The following ANKRD45 variants were observed in gnomAD, a reference collection of about 807,000 sequenced individuals.
The protein encoded by ANKRD45 is ankyrin repeat domain-containing protein 45.
A neutral mutation model predicts 28.1 loss-of-function variants in ANKRD45; 21 were observed. That is an observed-to-expected ratio of 0.75 (90% CI 0.53 to 1.08). The LOEUF (loss-of-function observed/expected upper bound fraction) is 1.08. ANKRD45 is among the 50% of genes least tolerant of loss of function. The pLI is 0.00. For synonymous variants in ANKRD45, 86 were observed against 103.9 expected (o/e 0.83, Z 1.05); for missense variants, 261 against 308.7 (o/e 0.85, Z 1.16).
the ANKRD45 span, among the ~76,000 whole-genome samples, chr1:173,685,436 C>T: frequency 6.6e-6 from 1 of 152,186 alleles, no homozygotes; most frequent in Non-Finnish European, 1.5e-5. Flanking sequence ...AAAAGAGCTA[C>T]CATAAAGCCC....
chr1:173,636,448 G>C (rs976153079), intron 3 of ANKRD45, among the ~76,000 whole-genome samples: 3 of 152,090 alleles, frequency 2.0e-5, no homozygotes. Flanking sequence ...AGAAGAATTA[G>C]ATATTTATAA....
chr1:173,674,224 G>C (rs764103811), upstream of ANKRD45, among the ~76,000 whole-genome samples: 2 of 151,932 alleles, frequency 1.3e-5, no homozygotes, highest in Non-Finnish European at 2.9e-5. Context: ...ATGTTGCCCA[G>C]GCTGGTTTCC....
intron 4 of ANKRD45, 75 bp downstream of exon 4, chr1:173,626,990 C>G: frequency 9.7e-7 from 1 of 1,027,834 alleles, no homozygotes; most frequent in Non-Finnish European, 1.5e-6. Context: ...GCCTTTAGAA[C>G]ATCAGTGCAA....
intron 3 of ANKRD45, among the ~76,000 whole-genome samples, chr1:173,628,333 G>C (rs1668031031): frequency 6.6e-6 from 1 of 152,164 alleles, no homozygotes; most frequent in East Asian, 1.9e-4. Flanking sequence ...AGGATCCTAA[G>C]GTCCCTGATT....
chr1:173,669,727 A>C, intron 1 of ANKRD45, 90 bp downstream of exon 1: 1 of 287,500 alleles, frequency 3.5e-6, no homozygotes, highest in Admixed American at 4.6e-5. Context: ...GCCCTGCCCG[A>C]GCAGCCTGGA....
intron 3 of ANKRD45, among the ~76,000 whole-genome samples, chr1:173,633,307 T>C (rs1404891539): frequency 1.3e-5 from 2 of 151,608 alleles, no homozygotes; most frequent in African/African-American, 4.8e-5. Flanking sequence ...AAAATCTCTA[T>C]AATGAAAACT....
intron 1 of ANKRD45, among the ~76,000 whole-genome samples, chr1:173,664,639 T>A (rs952150294): frequency 4.6e-5 from 7 of 152,162 alleles, no homozygotes; most frequent in African/African-American, 1.7e-4. Context: ...ACTCCAAAGG[T>A]CATTATGTAT....
the ANKRD45 span, among the ~76,000 whole-genome samples, chr1:173,711,879 T>G: frequency 6.6e-6 from 1 of 152,162 alleles, no homozygotes; most frequent in Admixed American, 6.5e-5. Flanking sequence ...CAAACCAGAT[T>G]GCAGTGGGTT....
Position 173,659,326 on chromosome 1 carries a change from C to T in ANKRD45, c.93G>A (p.Glu31=), listed in dbSNP as rs1384090183. 15 of 1,613,388 alleles carry T rather than the reference C, an allele frequency of 9.3e-6. No individual in the cohort carries two copies. Among genetic ancestry groups the T allele is most frequent in the Non-Finnish European group, 1.3e-5 (15 of 1,179,688 alleles). Residue 31 remains glutamate (E), a synonymous_variant, in exon 2 of 6, where the codon GAG becomes GAA. Coordinates refer to ENST00000333279, the MANE Select transcript of ANKRD45 (RefSeq NM_198493.3). ...ENEEEEAQEP[E]ETGPKNPLLQ... is the part of the protein sequence containing the mutation. ...AAAGGGGGTTCTTAGGGCCTGTTTC[C>T]TCTGGTTCTTGGGCTTCTTCTTCTT...
chr1:173,629,787 G>A (rs1475332435), intron 3 of ANKRD45, among the ~76,000 whole-genome samples: 1 of 151,982 alleles, frequency 6.6e-6, no homozygotes, highest in South Asian at 2.1e-4. Flanking sequence ...CAAACCTAGA[G>A]AAATATATCA....
chr1:173,618,850 G>C (rs979249897), intron 5 of ANKRD45, among the ~76,000 whole-genome samples: 1 of 152,100 alleles, frequency 6.6e-6, no homozygotes, highest in Admixed American at 6.6e-5. Context: ...ATTCTCCAAG[G>C]TCAAAATGAA....
At chr1:173,619,943 A>G (rs572964836) in intron 5 of ANKRD45, among the ~76,000 whole-genome samples, 6 of 152,348 alleles carry the variant, frequency 3.9e-5, no homozygotes, top group South Asian at 2.1e-4. Flanking sequence ...AGGAGCACCC[A>G]GATTCATAAA....
intron 5 of ANKRD45, among the ~76,000 whole-genome samples, chr1:173,620,202 G>T (rs547150148): frequency 4.0e-4 from 61 of 152,230 alleles, no homozygotes; most frequent in African/African-American, 1.4e-3. Context: ...CACATATGCA[G>T]AAGTAAAACA....
chr1:173,689,417 C>A, the ANKRD45 span, among the ~76,000 whole-genome samples: 9 of 151,640 alleles, frequency 5.9e-5, no homozygotes, highest in African/African-American at 2.2e-4. Context: ...TAAGTTTTGT[C>A]TTTTTTTTTC....
At chr1:173,628,540 A>G (rs1472995780) in intron 3 of ANKRD45, among the ~76,000 whole-genome samples, 1 of 150,978 alleles carries the variant, frequency 6.6e-6, no homozygotes, top group Non-Finnish European at 1.5e-5. Flanking sequence ...GGGAGAGACT[A>G]CTCTGTTAGA....
At chr1:173,694,140 T>G in the ANKRD45 span, among the ~76,000 whole-genome samples, 168 of 151,712 alleles carry the variant, frequency 1.1e-3, 1 homozygote, top group African/African-American at 3.9e-3. Context: ...AAGTGTAGAC[T>G]AGGTGCTCAA....
At chr1:173,701,658 G>A in the ANKRD45 span, among the ~76,000 whole-genome samples, 4 of 152,102 alleles carry the variant, frequency 2.6e-5, no homozygotes, top group African/African-American at 9.7e-5. Flanking sequence ...ACCACACACC[G>A]GGGCCTGTCG....
chr1:173,695,475 T>G, the ANKRD45 span, among the ~76,000 whole-genome samples: 1 of 152,202 alleles, frequency 6.6e-6, no homozygotes. Flanking sequence ...TGTTCCTGTG[T>G]TAATTCACTT....
chr1:173,701,436 T>A, the ANKRD45 span, among the ~76,000 whole-genome samples: 25 of 152,154 alleles, frequency 1.6e-4, no homozygotes, highest in Non-Finnish European at 3.1e-4. Context: ...CCACCAATGA[T>A]AGACTGGATT....
Sources: gnomAD v4.1 joint callset for allele counts (sites outside exome capture counted in the v4.1 genomes callset) on GRCh38, gnomAD v4.1.1 for gene constraint, MANE v1.5 for transcripts, NCBI Gene and HGNC (gene_info 2026-07-23, HGNC 2026-07-21) for gene names.